PRUNE2: variants seen among roughly 807,000 people sequenced by gnomAD.
PRUNE2 encodes protein prune homolog 2.
A neutral mutation model predicts 252.0 loss-of-function variants in PRUNE2; 164 were observed. The observed-to-expected ratio is 0.65, with a 90% CI of 0.57 to 0.74. The LOEUF is 0.74. PRUNE2 is among the 30% of genes least tolerant of loss of function. The pLI, the probability that PRUNE2 is intolerant of heterozygous loss-of-function variation, is 0.00. For missense variants in PRUNE2, 3,495 were observed against 3,711.0 expected (o/e 0.94, Z 1.51); for synonymous variants, 1,292 against 1,350.2 (o/e 0.96, Z 0.94).
chr9:76,731,790 G>C lies in PRUNE2; in HGVS notation c.757-18069C>G, dbSNP rs1243493112. 4.6e-5 allele frequency among the ~76,000 whole-genome samples: 7 copies of C among 152,292 alleles called. No individual in the cohort carries two copies. In the East Asian group the frequency reaches 1.4e-3, roughly 29 times the overall value. Reference sequence around the variant, plus strand: ...AGGGTATAAAAAGGCCTTGAGCTTTGTCTGCATTATTTAGATTCCTTTACA... The same window carrying C: ...AGGGTATAAAAAGGCCTTGAGCTTTCTCTGCATTATTTAGATTCCTTTACA... On this transcript the variant is annotated intron_variant, in intron 6 of 18. Coordinates refer to ENST00000376718, the MANE Select transcript of PRUNE2 (RefSeq NM_015225.3).
intron 1 of PRUNE2, among the ~76,000 whole-genome samples, chr9:76,855,543 T>C (rs1259087124): frequency 6.6e-6 from 1 of 152,214 alleles, no homozygotes; most frequent in Admixed American, 6.5e-5. Flanking sequence ...ATGGAACTGC[T>C]GGTATCAGAG....
intron 17 of PRUNE2, among the ~76,000 whole-genome samples, chr9:76,620,295 A>G (rs1039652575): frequency 1.3e-5 from 2 of 151,868 alleles, no homozygotes; most frequent in African/African-American, 4.8e-5. Context: ...GCATGCCACC[A>G]TGCCCGGCTA....
intron 9 of PRUNE2, among the ~76,000 whole-genome samples, chr9:76,698,194 G>C (rs778038994): frequency 6.6e-6 from 1 of 151,992 alleles, no homozygotes; most frequent in Non-Finnish European, 1.5e-5. Context: ...TTACAGGCGT[G>C]TGCCACCATG....
At chr9:76,715,979 T>C (rs1007402606) in intron 6 of PRUNE2, among the ~76,000 whole-genome samples, 3 of 150,366 alleles carry the variant, frequency 2.0e-5, no homozygotes, top group African/African-American at 7.4e-5. Context: ...TTTCTAAGTA[T>C]TTTTCGTTAT....
At chr9:76,897,475 A>G (rs1403489192) in intron 1 of PRUNE2, among the ~76,000 whole-genome samples, 1 of 125,562 alleles carries the variant, frequency 8.0e-6, no homozygotes, top group African/African-American at 3.1e-5. Context: ...GTGCAGAGGC[A>G]TGATCTCGGC....
chr9:76,704,999 TC>T lies in PRUNE2; in HGVS notation c.7274del (p.Arg2425LysfsTer5). Reference sequence around the variant, plus strand: ...GTGCAGAAAGCACTATCTCTGCTGCTCTGCATCCCAGAGATTCATCCTCTGG... The same window carrying T: ...GTGCAGAAAGCACTATCTCTGCTGCTTGCATCCCAGAGATTCATCCTCTGG... ...GSPEDESLGC[R>X]AAEIVLSALP... is the part of the protein sequence containing the mutation. On this transcript the variant is annotated frameshift_variant, in exon 8 of 19. Transcript: ENST00000376718. LOFTEE classifies it high-confidence loss of function. 6.2e-7 allele frequency: 1 copy of T among 1,613,916 alleles called. No individual in the cohort carries two copies. Among genetic ancestry groups the T allele is most frequent in the Non-Finnish European group, 8.5e-7 (1 of 1,179,844 alleles).
chr9:76,778,946 C>A (rs1351270545), intron 6 of PRUNE2: 3 of 152,208 alleles, frequency 2.0e-5, no homozygotes. Context: ...AATGGCTGAG[C>A]ACCACTGAGC....
At chr9:76,815,742 T>C (rs922469066) in intron 6 of PRUNE2, among the ~76,000 whole-genome samples, 2 of 152,164 alleles carry the variant, frequency 1.3e-5, no homozygotes, top group East Asian at 1.9e-4. Context: ...CAGAGAATCA[T>C]AACTAGATAG....
At chr9:76,627,297 G>GT (rs1219548575) in intron 16 of PRUNE2, among the ~76,000 whole-genome samples, 1 of 31,612 alleles carries the variant, frequency 3.2e-5, no homozygotes, top group Non-Finnish European at 2.9e-4. Flanking sequence ...GAGATGGGGT[G>GT]GCGGGGGGCT....
At position 76,906,071 on chromosome 9, in the gene PRUNE2, G is replaced by A; in HGVS notation, c.-108C>T. On this transcript the variant is annotated 5_prime_UTR_variant, in exon 1 of 19. Transcript: ENST00000376718. ...GGAAAGTGGCCCGCCGGGGCGCAGC[G>A]ACCGACTGCTCCCTCCTGCCGCTCT... The A allele has an allele frequency of 8.4e-7, 1 of 1,195,546 alleles. No individual in the cohort carries two copies. Among genetic ancestry groups the A allele is most frequent in the Non-Finnish European group, 1.2e-6 (1 of 807,096 alleles). The allele number at this position is 1,195,546 out of a possible 1,614,324, so 74.1% of individuals were successfully genotyped here.
chr9:76,806,362 G>A (rs921405419), intron 6 of PRUNE2, among the ~76,000 whole-genome samples: 13 of 152,072 alleles, frequency 8.5e-5, no homozygotes, highest in Non-Finnish European at 1.9e-4. Context: ...AAATGCTTTC[G>A]GATACACTGT....
intron 1 of PRUNE2, among the ~76,000 whole-genome samples, chr9:76,902,729 A>G (rs2063252835): frequency 6.6e-6 from 1 of 152,176 alleles, no homozygotes; most frequent in Admixed American, 6.5e-5. Context: ...TTTCACAAAT[A>G]TGCTCCAGCC....
intron 6 of PRUNE2, among the ~76,000 whole-genome samples, chr9:76,733,118 A>C (rs760318375): frequency 2.0e-5 from 3 of 152,142 alleles, no homozygotes; most frequent in Non-Finnish European, 2.9e-5. Context: ...CTTCTGCCTG[A>C]GTAGCCACAG....
chr9:76,649,635 T>TAGATAGATAGAC (rs1280946002), intron 11 of PRUNE2, among the ~76,000 whole-genome samples: 2 of 151,440 alleles, frequency 1.3e-5, no homozygotes, highest in African/African-American at 4.8e-5. Context: ...GATAGATAGA[T>TAGATAGATAGAC]AGATAGATAG....
chr9:76,823,168 C>T (rs928606889), intron 6 of PRUNE2: 2 of 152,492 alleles, frequency 1.3e-5, no homozygotes, highest in African/African-American at 4.8e-5. Context: ...TTAAGTAATA[C>T]TTGAGTTGTC....
At chr9:76,725,184 G>C (rs1045352350) in intron 6 of PRUNE2, among the ~76,000 whole-genome samples, 2 of 152,142 alleles carry the variant, frequency 1.3e-5, no homozygotes, top group African/African-American at 4.8e-5. Flanking sequence ...TCCCCTTTCT[G>C]ATTTATGGAA....
chr9:76,724,771 G>T (rs544736325), intron 6 of PRUNE2, among the ~76,000 whole-genome samples: 1 of 152,288 alleles, frequency 6.6e-6, no homozygotes, highest in East Asian at 1.9e-4. Flanking sequence ...TTTAAGGACA[G>T]ACCCATAATC....
intron 11 of PRUNE2, 106 bp from the exon 12 acceptor site, chr9:76,645,015 T>C: frequency 9.8e-7 from 1 of 1,016,646 alleles, no homozygotes; most frequent in African/African-American, 1.6e-5. Flanking sequence ...ACGGGCAGCC[T>C]TTGTTTTGTT....
intron 6 of PRUNE2, among the ~76,000 whole-genome samples, chr9:76,818,133 C>G (rs1458791109): frequency 6.6e-6 from 1 of 152,128 alleles, no homozygotes; most frequent in Non-Finnish European, 1.5e-5. Context: ...CAGTTCAAAA[C>G]TAACATATGC....
Sources: gnomAD v4.1 joint callset for allele counts (sites outside exome capture counted in the v4.1 genomes callset) on GRCh38, gnomAD v4.1.1 for gene constraint, MANE v1.5 for transcripts, NCBI Gene and HGNC (gene_info 2026-07-23, HGNC 2026-07-21) for gene names.